CPN1: variants seen among roughly 807,000 people sequenced by gnomAD.
CPN1 encodes carboxypeptidase N subunit 1, also known as carboxypeptidase N catalytic chain.
Under a neutral mutation model 46.4 loss-of-function variants are expected in CPN1, and 37 were observed. The ratio of observed to expected loss-of-function variants is 0.80; its 90% CI spans 0.61 to 1.05. The LOEUF (loss-of-function observed/expected upper bound fraction) is 1.05. Among genes scored for constraint, CPN1 ranks in the 50% least tolerant of loss-of-function variants. The probability of loss-of-function intolerance (pLI) is 0.00; values close to 1 mark genes in which losing one functional copy is unlikely to be tolerated. For missense variants in CPN1, 563 were observed against 602.6 expected (o/e 0.93, Z 0.69); for synonymous variants, 224 against 235.4 (o/e 0.95, Z 0.44).
At chr10:100,059,460 G>C (rs1026156163) in intron 5 of CPN1, among the ~76,000 whole-genome samples, 8 of 151,856 alleles carry the variant, frequency 5.3e-5, no homozygotes, top group African/African-American at 1.9e-4. Context: ...GACTTGAATA[G>C]ACATTTCTCC....
chr10:100,075,132 C>T (rs1195109009), intron 2 of CPN1, among the ~76,000 whole-genome samples: 1 of 152,004 alleles, frequency 6.6e-6, no homozygotes, highest in African/African-American at 2.4e-5. Flanking sequence ...TCTACTAAAA[C>T]TACAAAAAAT....
At chr10:100,065,781 A>C (rs182560368) in intron 3 of CPN1, among the ~76,000 whole-genome samples, 301 of 150,910 alleles carry the variant, frequency 2.0e-3, no homozygotes, top group African/African-American at 7.1e-3. Context: ...TAGGTTCATG[A>C]CTGACTGTGA....
intron 5 of CPN1, among the ~76,000 whole-genome samples, chr10:100,058,084 T>C (rs945682029): frequency 9.8e-5 from 15 of 152,306 alleles, no homozygotes; most frequent in Non-Finnish European, 1.3e-4. Flanking sequence ...ATAACATTTT[T>C]CCCAAGTTCC....
chr10:100,046,046 C>A (rs559063540), intron 8 of CPN1, among the ~76,000 whole-genome samples: 1 of 152,202 alleles, frequency 6.6e-6, no homozygotes, highest in Non-Finnish European at 1.5e-5. Context: ...TTAATACAAC[C>A]AAAACTGAAA....
At chr10:100,080,096 A>AG (rs1292007901) in intron 1 of CPN1, among the ~76,000 whole-genome samples, 2 of 151,780 alleles carry the variant, frequency 1.3e-5, no homozygotes, top group East Asian at 3.9e-4. Context: ...AAAAAAAAAA[A>AG]AAAATGAAGT....
At chr10:100,068,361 C>G (rs1270769966) in intron 3 of CPN1, among the ~76,000 whole-genome samples, 1 of 151,500 alleles carries the variant, frequency 6.6e-6, no homozygotes, top group Non-Finnish European at 1.5e-5. Flanking sequence ...CTGCAGGCGC[C>G]CGCCACCACG....
At chr10:100,052,716 T>TA (rs2041363157) in intron 7 of CPN1, among the ~76,000 whole-genome samples, 1 of 151,540 alleles carries the variant, frequency 6.6e-6, no homozygotes. Flanking sequence ...AAAATAAAAA[T>TA]AAAAAATAAA....
At position 100,056,892 on chromosome 10, in the gene CPN1, C is replaced by T. The variant is rs757265282; in HGVS notation, c.1011+121G>A. 121 of 1,203,064 alleles carry T rather than the reference C, an allele frequency of 1.0e-4. 1 individual carries two copies. In the East Asian group the frequency reaches 1.1e-3, roughly 10 times the overall value. 74.5% of individuals were successfully genotyped at this position (1,203,064 alleles called of 1,614,324 possible). A position where few individuals can be genotyped will look rare whatever the true frequency, so the allele number is the denominator to read the frequency against. On this transcript the variant is annotated intron_variant, in intron 6 of 8. Coordinates refer to ENST00000370418, the MANE Select transcript of CPN1 (RefSeq NM_001308.3). ...ATGAATAAATCTCAATGGAAGAAGA[C>T]GCCCAGATCTATTGGACTGAGTCAG... is the stretch of plus-strand genomic sequence containing the variant.
chr10:100,050,298 G>T (rs780102322), intron 7 of CPN1, among the ~76,000 whole-genome samples: 6 of 152,164 alleles, frequency 3.9e-5, no homozygotes, highest in Non-Finnish European at 7.3e-5. Flanking sequence ...AGGCTGCAGT[G>T]AGCCGAGATC....
At chr10:100,076,208 A>G in intron 1 of CPN1, 101 bp from the exon 2 acceptor site, 1 of 1,139,480 alleles carries the variant, frequency 8.8e-7, no homozygotes, top group Non-Finnish European at 1.3e-6. Context: ...ATGAAAGAAA[A>G]TCTCATGCTT....
intron 6 of CPN1, among the ~76,000 whole-genome samples, 193 bp from the exon 7 acceptor site, chr10:100,054,639 G>A (rs7086019): frequency 0.032 from 4,829 of 152,118 alleles, 154 homozygotes; most frequent in African/African-American, 0.089. Context: ...TGGTCAGAGC[G>A]TTCCTGTTAA....
chr10:100,070,360 G>C (rs1268263756), intron 2 of CPN1, among the ~76,000 whole-genome samples: 1 of 152,004 alleles, frequency 6.6e-6, no homozygotes, highest in Non-Finnish European at 1.5e-5. Flanking sequence ...GCGTGTGCCT[G>C]TAGTCCCAGC....
chr10:100,069,937 T>C (rs1221053824), intron 2 of CPN1, 68 bp from the exon 3 acceptor site: 1 of 1,588,168 alleles, frequency 6.3e-7, no homozygotes, highest in Middle Eastern at 1.7e-4. Flanking sequence ...AACTTTTTTT[T>C]TTGGAGACAG....
rs765087377 is a variant in CPN1 at position 100,081,551 on chromosome 10, G to A, written c.75C>T (p.His25=). ...FKLVAPVTFR[H]HRYDDLVRTL... ...TCCGCACAAGATCATCATAGCGGTG[G>A]TGGCGAAAGGTCACCGGGGCAACCA... The change falls in exon 1 of 9, where the codon CAC becomes CAT. Residue 25 remains histidine (H), a synonymous_variant. Transcript: ENST00000370418. The A allele has an allele frequency of 1.9e-6, 3 of 1,614,070 alleles. No individual in the cohort carries two copies. The East Asian group carries it at 6.7e-5, about 36-fold the overall frequency.
rs753061838 is a variant in CPN1, at chr10:100,078,351, A to T, written c.224-2244T>A. ...GCCACCACAGCTGGCCTCTACTTTC[A>T]ATATATCTGGAACACAACCACTTCT... On this transcript the variant is annotated intron_variant, in intron 1 of 8. Coordinates refer to ENST00000370418, the MANE Select transcript of CPN1 (RefSeq NM_001308.3). 7.7e-4 allele frequency among the ~76,000 whole-genome samples: 117 copies of T among 152,318 alleles called. 2 individuals are homozygous for T. Among genetic ancestry groups the T allele is most frequent in the Admixed American group, 2.0e-4 (3 of 15,296 alleles).
At chr10:100,070,510 A>T (rs1254529579) in intron 2 of CPN1, among the ~76,000 whole-genome samples, 1 of 152,134 alleles carries the variant, frequency 6.6e-6, no homozygotes, top group Non-Finnish European at 1.5e-5. Context: ...AAGTGCTGAG[A>T]TTACAGGCAA....
At chr10:100,064,402 C>T (rs182161523) in intron 4 of CPN1, among the ~76,000 whole-genome samples, 3 of 148,518 alleles carry the variant, frequency 2.0e-5, no homozygotes, top group Non-Finnish European at 3.0e-5. Flanking sequence ...TTTTTTGAGA[C>T]GGAGTTTCAC....
intron 2 of CPN1, among the ~76,000 whole-genome samples, chr10:100,072,825 A>G (rs888096161): frequency 1.3e-5 from 2 of 152,238 alleles, no homozygotes; most frequent in African/African-American, 4.8e-5. Context: ...AATTAAATAC[A>G]TAGAGTGATA....
intron 3 of CPN1, among the ~76,000 whole-genome samples, chr10:100,069,354 AT>A (rs1328514217): frequency 6.6e-6 from 1 of 151,938 alleles, no homozygotes; most frequent in Non-Finnish European, 1.5e-5. Flanking sequence ...GGTGGTGTGC[AT>A]CTTTAATCCC....
Sources: allele counts gnomAD v4.1 joint callset (sites outside exome capture counted in the v4.1 genomes callset), GRCh38; gene constraint gnomAD v4.1.1; transcripts MANE v1.5; gene names NCBI Gene and HGNC (gene_info 2026-07-23, HGNC 2026-07-21).